SPPL3: variants seen among roughly 807,000 people sequenced by gnomAD.
SPPL3 encodes the protein signal peptide peptidase like 3.
SPPL3 carries 5 observed loss-of-function variants against 42.4 expected under a neutral mutation model. The ratio of observed to expected loss-of-function variants is 0.12; its 90% CI spans 0.06 to 0.25. The LOEUF (loss-of-function observed/expected upper bound fraction) is 0.25, where lower values mean the gene tolerates loss of function less well. Ranked by LOEUF, SPPL3 falls within the 10% of genes least tolerant of loss-of-function variation. The probability of loss-of-function intolerance (pLI) is 1.00; values close to 1 mark genes in which losing one functional copy is unlikely to be tolerated. For synonymous variants in SPPL3, 195 were observed against 181.8 expected (o/e 1.07, Z -0.58); for missense variants, 235 against 489.0 (o/e 0.48, Z 4.90).
intron 2 of SPPL3, among the ~76,000 whole-genome samples, chr12:120,792,186 TAGAC>T (rs1292974695): frequency 6.6e-6 from 1 of 152,204 alleles, no homozygotes; most frequent in Non-Finnish European, 1.5e-5. Context: ...TTTGAAATTT[TAGAC>T]AGGATGAACA....
At chr12:120,780,520 G>T (rs977007201) in intron 6 of SPPL3, among the ~76,000 whole-genome samples, 12 of 150,938 alleles carry the variant, frequency 8.0e-5, no homozygotes, top group South Asian at 2.1e-4. Flanking sequence ...AGGCCGAGGC[G>T]GGAGGATCGC....
intron 1 of SPPL3, 113 bp downstream of exon 1, chr12:120,903,732 G>GGCC: frequency 5.2e-6 from 2 of 385,020 alleles, no homozygotes; most frequent in Non-Finnish European, 8.7e-6. Context: ...CCCAACCCGC[G>GGCC]CCCCCCCCCC....
At chr12:120,778,722 A>G (rs1267957032) in intron 6 of SPPL3, among the ~76,000 whole-genome samples, 2 of 152,214 alleles carry the variant, frequency 1.3e-5, no homozygotes, top group African/African-American at 4.8e-5. Context: ...TCAGTTTCTT[A>G]TGACATTTTA....
intron 1 of SPPL3, among the ~76,000 whole-genome samples, chr12:120,827,391 A>C (rs994325557): frequency 4.6e-5 from 7 of 150,624 alleles, no homozygotes; most frequent in Admixed American, 6.6e-5. Flanking sequence ...AATAATAATA[A>C]TACTTTGGGG....
At chr12:120,899,130 T>A (rs1186558741) in intron 1 of SPPL3, among the ~76,000 whole-genome samples, 1 of 152,194 alleles carries the variant, frequency 6.6e-6, no homozygotes, top group Non-Finnish European at 1.5e-5. Context: ...ACTTCCTCAG[T>A]GTATGTGAGA....
At chr12:120,808,293 C>T (rs1242201397) in intron 2 of SPPL3, among the ~76,000 whole-genome samples, 1 of 152,066 alleles carries the variant, frequency 6.6e-6, no homozygotes, top group Admixed American at 6.5e-5. Flanking sequence ...CCAGCCTGGT[C>T]TTGAACTCCT....
In SPPL3 at chr12:120,766,346, G is replaced by T; in HGVS notation, c.1000C>A (p.Arg334Ser). 6.3e-7 allele frequency: 1 copy of T among 1,596,628 alleles called. No homozygotes were observed. Among genetic ancestry groups the T allele is most frequent in the South Asian group, 1.1e-5 (1 of 87,774 alleles). ...GCGGGCTGGGCGGCCCGGTGAATGC[G>T]AGACGCCACAGTAGCAGTGAGCAGG... ...VGLLTATVAS[R>S]IHRAAQPALL... is the part of the protein sequence containing the mutation. The change falls in exon 10 of 11, where the codon CGC becomes AGC. Residue 334 changes from arginine to serine, a missense_variant. Physicochemically the swap from Arg to Ser is moderately radical, Grantham distance 110. Transcript: ENST00000353487.
chr12:120,877,557 G>C (rs887047212), intron 1 of SPPL3, among the ~76,000 whole-genome samples: 15 of 152,086 alleles, frequency 9.9e-5, no homozygotes, highest in African/African-American at 3.1e-4. Context: ...GAGGCGGGTG[G>C]ATCACCCAAG....
At chr12:120,901,912 C>T in intron 1 of SPPL3, 1 of 985,438 alleles carries the variant, frequency 1.0e-6, no homozygotes, top group Non-Finnish European at 1.2e-6. Context: ...CATTTCTTGA[C>T]CACTGAGTTT....
In SPPL3 at chr12:120,904,284, G is replaced by C. The variant is rs1445961690; in HGVS notation, c.-417C>G. 9 of 166,370 alleles carry C rather than the reference G, an allele frequency of 5.4e-5. No homozygotes were observed. The highest frequency in any genetic ancestry group is 8.9e-5 in the Non-Finnish European group (7 of 78,740). 10.3% of individuals were successfully genotyped at this position (166,370 alleles called of 1,614,324 possible). On this transcript the variant is annotated 5_prime_UTR_variant, in exon 1 of 11. Coordinates refer to ENST00000353487, the MANE Select transcript of SPPL3 (RefSeq NM_139015.5). ...GCGGCGGCCGGGGGACATGGCCGGC[G>C]GGCGGAGGCGGCGGCGACTGAGGGG...
rs1868958404 is a variant in SPPL3, at chr12:120,767,533, TAGG to T, written c.831_833del (p.Leu279del). ...TGTCATAGCGAAGGACAAAGCATAG[TAGG>T]AGACCAGGCATAACGATGTCTCCGA... On this transcript the variant is annotated inframe_deletion, in exon 9 of 11. Transcript: ENST00000353487. 1.2e-6 allele frequency: 2 copies of T among 1,614,102 alleles called. No homozygotes were observed. Among genetic ancestry groups the T allele is most frequent in the African/African-American group, 1.3e-5 (1 of 74,934 alleles).
chr12:120,795,458 T>A (rs1049477595), intron 2 of SPPL3, among the ~76,000 whole-genome samples: 5 of 152,204 alleles, frequency 3.3e-5, no homozygotes, highest in Non-Finnish European at 5.9e-5. Flanking sequence ...GTCAAAAACA[T>A]CTTTACTTTG....
chr12:120,777,579 CCCTTTT>C (rs1869367990), intron 6 of SPPL3, among the ~76,000 whole-genome samples: 1 of 8,142 alleles, frequency 1.2e-4, no homozygotes, highest in Non-Finnish European at 1.8e-4. Context: ...CACTTACCCA[CCCTTTT>C]ACCATACCAC....
At chr12:120,894,545 T>G (rs1014222346) in intron 1 of SPPL3, among the ~76,000 whole-genome samples, 14 of 152,096 alleles carry the variant, frequency 9.2e-5, no homozygotes, top group African/African-American at 3.4e-4. Flanking sequence ...GAACAAAACT[T>G]TCTTTGCTAC....
rs1034585948 is a variant in SPPL3 at position 120,763,955 on chromosome 12, A to G, written c.*1044T>C. 1.3e-5 allele frequency: 2 copies of G among 152,696 alleles called. No individual in the cohort carries two copies. Among genetic ancestry groups the G allele is most frequent in the South Asian group, 4.1e-4 (2 of 4,832 alleles). The allele number at this position is 152,696 out of a possible 1,614,324, so 9.5% of individuals were successfully genotyped here. ...TACTATGATGAGAAAGCACAAAGAC[A>G]CCTGCTGCTATAATACATGCATTGG... is the stretch of plus-strand genomic sequence containing the variant. On this transcript the variant is annotated 3_prime_UTR_variant, in exon 11 of 11. Transcript: ENST00000353487.
chr12:120,792,571 G>A (rs943022869), intron 2 of SPPL3, among the ~76,000 whole-genome samples: 7 of 151,738 alleles, frequency 4.6e-5, no homozygotes, highest in Admixed American at 2.0e-4. Flanking sequence ...GTGGTGGTGC[G>A]TGCCGGTAGT....
At chr12:120,830,565 G>A (rs1350649278) in intron 1 of SPPL3, among the ~76,000 whole-genome samples, 4 of 35,720 alleles carry the variant, frequency 1.1e-4, no homozygotes, top group Non-Finnish European at 1.9e-4. Flanking sequence ...GGGGAGGGGT[G>A]GGGGAGGGGG....
intron 1 of SPPL3, among the ~76,000 whole-genome samples, chr12:120,865,832 A>C (rs1057028296): frequency 6.6e-6 from 1 of 152,212 alleles, no homozygotes; most frequent in Non-Finnish European, 1.5e-5. Flanking sequence ...GTAGGAGGAG[A>C]CAGGCAGGCA....
intron 4 of SPPL3, 120 bp from the exon 5 acceptor site, chr12:120,783,872 A>C: frequency 7.6e-6 from 6 of 793,830 alleles, no homozygotes; most frequent in Non-Finnish European, 1.2e-5. Context: ...AGAGAAGAAA[A>C]ATGTCTTCCT....
Sources: allele counts gnomAD v4.1 joint callset (sites outside exome capture counted in the v4.1 genomes callset), GRCh38; gene constraint gnomAD v4.1.1; transcripts MANE v1.5; gene names NCBI Gene and HGNC (gene_info 2026-07-23, HGNC 2026-07-21).